EPHA6: variants seen among roughly 807,000 people sequenced by gnomAD.
The protein encoded by EPHA6 is EPH receptor A6, also known as ephrin type-A receptor 6.
EPHA6 carries 50 observed loss-of-function variants against 112.0 expected under a neutral mutation model. The observed-to-expected ratio is 0.45, with a 90% CI of 0.36 to 0.56. The LOEUF (loss-of-function observed/expected upper bound fraction) is 0.56, where lower values mean the gene tolerates loss of function less well. EPHA6 is among the 20% of genes least tolerant of loss of function. EPHA6 has a pLI of 0.00. For synonymous variants in EPHA6, 529 were observed against 490.7 expected (o/e 1.08, Z -1.03); for missense variants, 1,280 against 1,417.4 (o/e 0.90, Z 1.56).
intron 2 of EPHA6, among the ~76,000 whole-genome samples, chr3:96,871,860 A>G (rs2036639744): frequency 1.3e-5 from 2 of 152,116 alleles, no homozygotes; most frequent in African/African-American, 4.8e-5. Context: ...AAATATGGGC[A>G]GTAATAATAG....
chr3:97,366,840 T>G (rs1046981445), intron 5 of EPHA6, among the ~76,000 whole-genome samples: 14 of 152,352 alleles, frequency 9.2e-5, no homozygotes, highest in Middle Eastern at 3.4e-3. Flanking sequence ...GGCATACCCT[T>G]AAATTCCTTT....
intron 3 of EPHA6, among the ~76,000 whole-genome samples, chr3:97,045,980 G>A (rs1218263161): frequency 6.6e-6 from 1 of 152,016 alleles, no homozygotes; most frequent in Non-Finnish European, 1.5e-5. Flanking sequence ...CCAGGAGTCT[G>A]GAAATGAATG....
intron 10 of EPHA6, among the ~76,000 whole-genome samples, chr3:97,495,161 T>A (rs977086213): frequency 1.1e-4 from 16 of 151,826 alleles, no homozygotes; most frequent in Non-Finnish European, 2.2e-4. Flanking sequence ...CTCAGAGGAG[T>A]TTCTATTAAG....
intron 3 of EPHA6, among the ~76,000 whole-genome samples, chr3:97,208,429 G>A (rs1014622269): frequency 7.2e-5 from 11 of 152,008 alleles, no homozygotes; most frequent in South Asian, 4.2e-4. Flanking sequence ...TGAAGTTCAG[G>A]CACTACAGCT....
At chr3:97,441,518 G>C (rs2107280799) in intron 6 of EPHA6, 1 of 745,272 alleles carries the variant, frequency 1.3e-6, no homozygotes, top group African/African-American at 1.9e-5. Flanking sequence ...ATTAGAATCT[G>C]TTTGATTAAA....
intron 2 of EPHA6, among the ~76,000 whole-genome samples, chr3:96,869,091 G>A (rs2036492291): frequency 6.6e-6 from 1 of 151,990 alleles, no homozygotes; most frequent in Admixed American, 6.6e-5. Flanking sequence ...CAATTCATTT[G>A]TGCCAACATT....
chr3:97,020,837 G>A (rs2044432498), intron 3 of EPHA6, among the ~76,000 whole-genome samples: 1 of 151,954 alleles, frequency 6.6e-6, no homozygotes, highest in Non-Finnish European at 1.5e-5. Flanking sequence ...ATTATGCCTA[G>A]TGATCCGTTA....
intron 11 of EPHA6, among the ~76,000 whole-genome samples, chr3:97,547,885 C>A (rs1452499285): frequency 6.6e-6 from 1 of 152,214 alleles, no homozygotes; most frequent in Non-Finnish European, 1.5e-5. Flanking sequence ...GATATAATCT[C>A]CTGGTGTGCC....
At chr3:97,557,342 G>C (rs2093125699) in intron 11 of EPHA6, among the ~76,000 whole-genome samples, 1 of 151,844 alleles carries the variant, frequency 6.6e-6, no homozygotes, top group Non-Finnish European at 1.5e-5. Flanking sequence ...TTTATAACTT[G>C]ACTATGTGAG....
At chr3:97,129,447 A>G (rs1450259846) in intron 3 of EPHA6, among the ~76,000 whole-genome samples, 1 of 151,952 alleles carries the variant, frequency 6.6e-6, no homozygotes, top group Non-Finnish European at 1.5e-5. Context: ...GCTTGCAGTG[A>G]GCCGAGATCG....
intron 14 of EPHA6, among the ~76,000 whole-genome samples, chr3:97,705,679 A>G (rs369006684): frequency 6.6e-6 from 1 of 152,208 alleles, no homozygotes; most frequent in African/African-American, 2.4e-5. Flanking sequence ...ACAGATCAAG[A>G]AGCGTATAGA....
intron 3 of EPHA6, among the ~76,000 whole-genome samples, chr3:97,107,610 C>T (rs936514041): frequency 2.0e-5 from 3 of 152,058 alleles, no homozygotes; most frequent in African/African-American, 7.2e-5. Context: ...ATGCTTGTCC[C>T]CTATACAAAG....
intron 5 of EPHA6, among the ~76,000 whole-genome samples, chr3:97,404,026 T>C (rs190294123): frequency 1.3e-5 from 2 of 152,192 alleles, no homozygotes; most frequent in African/African-American, 2.4e-5. Flanking sequence ...TATAACTTCA[T>C]AATTCTCTAG....
At position 96,935,024 on chromosome 3, in the gene EPHA6, T is replaced by G. The variant is rs966844532; in HGVS notation, c.451-52306T>G. On this transcript the variant is annotated intron_variant, in intron 2 of 17. Coordinates refer to ENST00000389672, the MANE Select transcript of EPHA6 (RefSeq NM_001080448.3). ...AATATAAAGATTCAAATATTGGTTC[T>G]CTAATGTCTACCCAACGCTTGTACA... Among the ~76,000 whole-genome samples the G allele has an allele frequency of 1.1e-4, 16 of 151,946 alleles. No individual in the cohort carries two copies. The East Asian group carries it at 2.7e-3, about 26-fold the overall frequency.
At chr3:97,444,602 C>T (rs560971964) in intron 6 of EPHA6, among the ~76,000 whole-genome samples, 1 of 152,084 alleles carries the variant, frequency 6.6e-6, no homozygotes, top group East Asian at 1.9e-4. Flanking sequence ...GGTAATTTGC[C>T]AGGGTACATA....
At chr3:96,973,695 A>G (rs1216286031) in intron 2 of EPHA6, among the ~76,000 whole-genome samples, 1 of 150,926 alleles carries the variant, frequency 6.6e-6, no homozygotes, top group African/African-American at 2.4e-5. Flanking sequence ...GCATGGTGGC[A>G]TGTACCTGTA....
chr3:97,483,840 A>T, intron 9 of EPHA6, 94 bp from the exon 10 acceptor site: 1 of 1,225,498 alleles, frequency 8.2e-7, no homozygotes, highest in Non-Finnish European at 1.1e-6. Context: ...AAGACTGACT[A>T]CTTCAGTATG....
intron 3 of EPHA6, among the ~76,000 whole-genome samples, chr3:97,199,899 T>C (rs934096448): frequency 2.6e-5 from 4 of 152,132 alleles, no homozygotes; most frequent in African/African-American, 9.7e-5. Flanking sequence ...TTAACTTTAA[T>C]AGAGTTTCAT....
chr3:97,682,293 A>C (rs2031918155), intron 14 of EPHA6, among the ~76,000 whole-genome samples: 1 of 152,122 alleles, frequency 6.6e-6, no homozygotes, highest in Non-Finnish European at 1.5e-5. Flanking sequence ...AAACAGGTTG[A>C]AGATGAGTAG....
Sources: gnomAD v4.1 joint callset for allele counts (sites outside exome capture counted in the v4.1 genomes callset) on GRCh38, gnomAD v4.1.1 for gene constraint, MANE v1.5 for transcripts, NCBI Gene and HGNC (gene_info 2026-07-23, HGNC 2026-07-21) for gene names.